The following MARCHF1 variants were observed in gnomAD, a reference collection of about 807,000 sequenced individuals.
The protein encoded by MARCHF1 is membrane associated ring-CH-type finger 1.
Under a neutral mutation model 54.2 loss-of-function variants are expected in MARCHF1, and 40 were observed. The ratio of observed to expected loss-of-function variants is 0.74; its 90% CI spans 0.57 to 0.96. The LOEUF (loss-of-function observed/expected upper bound fraction) is 0.96. Ranked by LOEUF, MARCHF1 falls within the 40% of genes least tolerant of loss-of-function variation. The pLI is 0.00. For missense variants in MARCHF1, 586 were observed against 656.5 expected, an observed-to-expected ratio of 0.89 and a Z score of 1.17; for synonymous variants, 236 against 236.3, an observed-to-expected ratio of 1.00 and a Z score of 0.01.
chr4:164,143,156 G>T (rs1756594437), intron 1 of MARCHF1, among the ~76,000 whole-genome samples: 1 of 151,084 alleles, frequency 6.6e-6, no homozygotes, highest in South Asian at 2.1e-4. Context: ...AAGCCTCCAA[G>T]AAATATGGGA....
chr4:164,028,009 G>A (rs536031180), intron 2 of MARCHF1, among the ~76,000 whole-genome samples: 1 of 152,252 alleles, frequency 6.6e-6, no homozygotes, highest in South Asian at 2.1e-4. Context: ...TCAGAGAAAT[G>A]CAAGTTAAAA....
Position 163,891,824 on chromosome 4 carries a change from C to T in MARCHF1, c.-38-37655G>A, listed in dbSNP as rs115485681. 2.5e-3 allele frequency among the ~76,000 whole-genome samples: 387 copies of T among 152,106 alleles called. 4 individuals are homozygous for T. Among genetic ancestry groups the T allele is most frequent in the African/African-American group, 9.0e-3 (373 of 41,500 alleles). On this transcript the variant is annotated intron_variant, in intron 3 of 9. Transcript: ENST00000514618. ...TTTCTTTCTTTTTTAATACATAATC[C>T]ATGATGCTCATCTTTCTAGAGGCAA...
At chr4:164,150,074 C>G (rs963820021) in intron 1 of MARCHF1, among the ~76,000 whole-genome samples, 1 of 152,070 alleles carries the variant, frequency 6.6e-6, no homozygotes, top group Non-Finnish European at 1.5e-5. Flanking sequence ...CTGCCAAAAA[C>G]AGCATAAAAT....
chr4:163,919,031 A>G (rs1751369933), intron 3 of MARCHF1, among the ~76,000 whole-genome samples: 1 of 152,110 alleles, frequency 6.6e-6, no homozygotes, highest in Non-Finnish European at 1.5e-5. Context: ...GACCATAAGC[A>G]TTTCTAAAGC....
chr4:163,753,204 T>C (rs1356548517), intron 4 of MARCHF1, among the ~76,000 whole-genome samples: 3 of 152,128 alleles, frequency 2.0e-5, no homozygotes, highest in Non-Finnish European at 4.4e-5. Context: ...AATTTAGCAT[T>C]TTAGTTATTT....
intron 1 of MARCHF1, among the ~76,000 whole-genome samples, chr4:164,235,136 A>C (rs757843355): frequency 9.2e-5 from 14 of 151,944 alleles, no homozygotes; most frequent in Non-Finnish European, 1.8e-4. Flanking sequence ...CAAATCATTC[A>C]CTTCTCATAT....
At chr4:164,179,922 A>G (rs1730788890) in intron 1 of MARCHF1, among the ~76,000 whole-genome samples, 1 of 150,070 alleles carries the variant, frequency 6.7e-6, no homozygotes, top group South Asian at 2.1e-4. Flanking sequence ...AATACTGGCT[A>G]AATGTTTATG....
chr4:164,222,255 T>A (rs966502929), intron 1 of MARCHF1, among the ~76,000 whole-genome samples: 4 of 151,868 alleles, frequency 2.6e-5, no homozygotes, highest in African/African-American at 9.7e-5. Flanking sequence ...AATTGATATT[T>A]TTAGGATCAA....
At chr4:163,947,482 G>C (rs1441923919) in intron 3 of MARCHF1, among the ~76,000 whole-genome samples, 1 of 152,132 alleles carries the variant, frequency 6.6e-6, no homozygotes, top group African/African-American at 2.4e-5. Flanking sequence ...ATAATCACAG[G>C]GTCCACATAA....
rs10604337 is a variant in MARCHF1, at chr4:164,211,331, G to GTATATATATA, written c.-322-99679_-322-99670dup. Among the ~76,000 whole-genome samples, 178 of 115,978 alleles carry GTATATATATA rather than the reference G, an allele frequency of 1.5e-3. 3 individuals carry two copies. In the East Asian group the frequency reaches 0.017, roughly 11 times the overall value. 76.1% of individuals were successfully genotyped at this position (115,978 alleles called of 152,430 possible). On this transcript the variant is annotated intron_variant, in intron 1 of 9. Coordinates refer to ENST00000514618, the MANE Select transcript of MARCHF1 (RefSeq NM_001394959.1). ...AACCTGCATATGTGTATGTATGTAT[G>GTATATATATA]TATATATATATATATATATATATAC... is the stretch of plus-strand genomic sequence containing the variant.
rs180811235 is a variant in MARCHF1 at position 163,565,444 on chromosome 4, T to G, written c.1192-19701A>C. On this transcript the variant is annotated intron_variant, in intron 8 of 9. Coordinates refer to ENST00000514618, the MANE Select transcript of MARCHF1 (RefSeq NM_001394959.1). ...GGTTGCCTTGACAACGTGGGTTAGTTGCATCAAGAAATCCATGGCAATACA... is the reference window on the plus strand; with the variant it reads ...GGTTGCCTTGACAACGTGGGTTAGTGGCATCAAGAAATCCATGGCAATACA... Among the ~76,000 whole-genome samples, 3 of 152,326 alleles carry G rather than the reference T, an allele frequency of 2.0e-5. No homozygotes were observed. The East Asian group carries it at 5.8e-4, about 29-fold the overall frequency.
chr4:163,822,528 A>G (rs1748722310), intron 4 of MARCHF1, among the ~76,000 whole-genome samples: 1 of 152,030 alleles, frequency 6.6e-6, no homozygotes, highest in Admixed American at 6.6e-5. Context: ...AATAATTGGG[A>G]CTATTTTAAT....
At chr4:163,848,808 C>T (rs541989612) in intron 4 of MARCHF1, among the ~76,000 whole-genome samples, 2 of 151,984 alleles carry the variant, frequency 1.3e-5, no homozygotes, top group South Asian at 4.2e-4. Flanking sequence ...ATTTTCAGCT[C>T]AATAAATATA....
chr4:163,594,215 T>C (rs560258522), intron 7 of MARCHF1, among the ~76,000 whole-genome samples: 26 of 152,200 alleles, frequency 1.7e-4, no homozygotes, highest in African/African-American at 6.0e-4. Context: ...GTTGGTAGAA[T>C]ATACTAGGCA....
intron 2 of MARCHF1, among the ~76,000 whole-genome samples, chr4:164,092,313 A>G (rs1755321825): frequency 6.6e-6 from 1 of 152,254 alleles, no homozygotes; most frequent in South Asian, 2.1e-4. Context: ...AAGCCTTAAC[A>G]TCTGTGGACT....
intron 1 of MARCHF1, among the ~76,000 whole-genome samples, chr4:164,251,380 G>C (rs1174811701): frequency 1.3e-5 from 2 of 152,120 alleles, no homozygotes; most frequent in African/African-American, 4.8e-5. Context: ...ATGAGGTTGA[G>C]AACATTTGAC....
At chr4:164,108,598 G>C (rs1056872141) in intron 2 of MARCHF1, among the ~76,000 whole-genome samples, 9 of 151,784 alleles carry the variant, frequency 5.9e-5, no homozygotes, top group African/African-American at 9.7e-5. Flanking sequence ...AGAAGCAGTG[G>C]TCATATTTGG....
chr4:164,328,884 A>C (rs190729800), intron 1 of MARCHF1, among the ~76,000 whole-genome samples: 2 of 152,268 alleles, frequency 1.3e-5, no homozygotes, highest in Non-Finnish European at 2.9e-5. Flanking sequence ...CACAGGATAA[A>C]ATGGGTGGAG....
chr4:163,927,018 G>A (rs1324444731), intron 3 of MARCHF1, among the ~76,000 whole-genome samples: 2 of 151,714 alleles, frequency 1.3e-5, no homozygotes, highest in African/African-American at 2.4e-5. Flanking sequence ...CTATCAAAAT[G>A]CTACATACAC....
Sources: allele counts gnomAD v4.1 joint callset (sites outside exome capture counted in the v4.1 genomes callset), GRCh38; gene constraint gnomAD v4.1.1; transcripts MANE v1.5; gene names NCBI Gene and HGNC (gene_info 2026-07-23, HGNC 2026-07-21).